Variants in INPP4B observed in about 807,000 individuals in gnomAD.
The protein encoded by INPP4B is inositol polyphosphate 4-phosphatase type II.
Under a neutral mutation model 122.5 loss-of-function variants are expected in INPP4B, and 55 were observed. That is an observed-to-expected ratio of 0.45 (90% CI 0.36 to 0.56). The LOEUF is 0.56. Among genes scored for constraint, INPP4B ranks in the 20% least tolerant of loss-of-function variants. The pLI, the probability that INPP4B is intolerant of heterozygous loss-of-function variation, is 0.00. For missense variants in INPP4B, 1,000 were observed against 1,097.7 expected (o/e 0.91, Z 1.26); for synonymous variants, 403 against 388.7 (o/e 1.04, Z -0.43).
chr4:142,660,432 T>TA (rs1754964085), intron 2 of INPP4B, among the ~76,000 whole-genome samples: 1 of 152,092 alleles, frequency 6.6e-6, no homozygotes, highest in Admixed American at 6.5e-5. Flanking sequence ...GGAACTCCTT[T>TA]AAAAGGCATC....
chr4:142,496,552 C>G (rs1480694542), intron 2 of INPP4B, among the ~76,000 whole-genome samples: 2 of 152,080 alleles, frequency 1.3e-5, no homozygotes, highest in Non-Finnish European at 2.9e-5. Flanking sequence ...ATGAGACTTT[C>G]CATTTGTATG....
chr4:142,148,422 C>T (rs1173482483), intron 17 of INPP4B, among the ~76,000 whole-genome samples: 1 of 152,080 alleles, frequency 6.6e-6, no homozygotes, highest in Admixed American at 6.6e-5. Context: ...CTATGTTGCC[C>T]AGGCTGATCT....
At chr4:142,749,180 T>C (rs1769256815) in intron 1 of INPP4B, among the ~76,000 whole-genome samples, 1 of 147,134 alleles carries the variant, frequency 6.8e-6, no homozygotes, top group Non-Finnish European at 1.5e-5. Flanking sequence ...TATTATACCT[T>C]ACCATATATA....
At chr4:142,319,072 G>A (rs1268371920) in intron 7 of INPP4B, among the ~76,000 whole-genome samples, 2 of 152,188 alleles carry the variant, frequency 1.3e-5, no homozygotes, top group Admixed American at 6.5e-5. Flanking sequence ...GGGGCTGCCT[G>A]AAATGCTAGG....
chr4:142,449,324 G>A (rs1406309383), intron 3 of INPP4B, among the ~76,000 whole-genome samples: 1 of 152,100 alleles, frequency 6.6e-6, no homozygotes, highest in East Asian at 1.9e-4. Context: ...TTAAAATATG[G>A]TCCCTGGACA....
chr4:142,450,976 C>G (rs1361382440), intron 3 of INPP4B, among the ~76,000 whole-genome samples: 2 of 110,662 alleles, frequency 1.8e-5, no homozygotes, highest in Non-Finnish European at 3.6e-5. Flanking sequence ...AAAATTAACT[C>G]CCCCCCCCAA....
intron 7 of INPP4B, among the ~76,000 whole-genome samples, chr4:142,362,101 G>A (rs1785624143): frequency 6.6e-6 from 1 of 151,942 alleles, no homozygotes; most frequent in African/African-American, 2.4e-5. Context: ...CTATGAACTG[G>A]GATGCTGGGA....
chr4:142,814,281 T>A (rs772403804), intron 1 of INPP4B, among the ~76,000 whole-genome samples: 29 of 152,134 alleles, frequency 1.9e-4, no homozygotes, highest in Non-Finnish European at 3.1e-4. Flanking sequence ...ATGGGGAGAA[T>A]GTTTCTTCAT....
chr4:142,239,319 A>G lies in INPP4B; in HGVS notation c.689-1308T>C, dbSNP rs74668749. Among the ~76,000 whole-genome samples, 581 of 152,280 alleles carry G rather than the reference A, an allele frequency of 3.8e-3. 2 individuals carry two copies. The highest frequency in any genetic ancestry group is 5.9e-3 in the Admixed American group (90 of 15,290). The stretch of plus-strand genomic sequence containing the variant: ...TACATGTACATGCGTCCTGCCAAGA[A>G]TTAGAGTGCTTACTTTTCAACAGCA... On this transcript the variant is annotated intron_variant, in intron 11 of 25. Coordinates refer to ENST00000262992, the MANE Select transcript of INPP4B (RefSeq NM_001101669.3).
At position 142,024,206 on chromosome 4, in the gene INPP4B, C is replaced by G. The variant is rs1466444635; in HGVS notation, c.*4576G>C. 1 of 152,068 alleles carries G rather than the reference C, an allele frequency of 6.6e-6. No homozygotes were observed. 9.4% of individuals were successfully genotyped at this position (152,068 alleles called of 1,614,324 possible). A position where few individuals can be genotyped will look rare whatever the true frequency, so the allele number is the denominator to read the frequency against. On this transcript the variant is annotated 3_prime_UTR_variant, in exon 26 of 26. Transcript: ENST00000262992. ...AGATAGTTTTTGCTATAGGTGGCAT[C>G]TCTGTGAACGCAGAGCTCTAAATTA...
At position 142,608,847 on chromosome 4, in the gene INPP4B, A is replaced by T. The variant is rs368188576; in HGVS notation, c.-191+116992T>A. Among the ~76,000 whole-genome samples, 19 of 152,252 alleles carry T rather than the reference A, an allele frequency of 1.2e-4. No homozygotes were observed. In the East Asian group the frequency reaches 3.7e-3, roughly 29 times the overall value. On this transcript the variant is annotated intron_variant, in intron 2 of 25. Transcript: ENST00000262992. ...CTTTCTAGCCAGTGCTGCTATACTA[A>T]CTTCAAACACACACTTTCTGTTCCC...
intron 7 of INPP4B, among the ~76,000 whole-genome samples, chr4:142,364,387 G>A (rs1201754333): frequency 2.0e-5 from 3 of 151,882 alleles, no homozygotes; most frequent in Admixed American, 2.0e-4. Flanking sequence ...ACTTGCAATA[G>A]ACTCTTGGCC....
At chr4:142,299,169 TGGGGG>T (rs71250020) in intron 9 of INPP4B, among the ~76,000 whole-genome samples, 55 of 145,674 alleles carry the variant, frequency 3.8e-4, no homozygotes, top group African/African-American at 1.0e-3. Flanking sequence ...TTTTTTTTTT[TGGGGG>T]GGAGACAGAG....
chr4:142,491,729 A>G (rs1821904474), intron 2 of INPP4B, among the ~76,000 whole-genome samples: 1 of 152,206 alleles, frequency 6.6e-6, no homozygotes, highest in South Asian at 2.1e-4. Context: ...AACAACAGCT[A>G]TATGAAAAAA....
intron 1 of INPP4B, among the ~76,000 whole-genome samples, chr4:142,827,113 AG>A (rs1286876876): frequency 1.4e-4 from 21 of 152,132 alleles, no homozygotes; most frequent in Non-Finnish European, 3.1e-4. Context: ...CTTTATTCTG[AG>A]GGTCAGTCTT....
Position 142,028,769 on chromosome 4 carries a change from C to A in INPP4B, c.*13G>T, listed in dbSNP as rs1737846455. 6.2e-7 allele frequency: 1 copy of A among 1,602,314 alleles called. No individual in the cohort carries two copies. Among genetic ancestry groups the A allele is most frequent in the East Asian group, 2.2e-5 (1 of 44,734 alleles). ...ATGTATTTGTGTTCCTGTTTATTAA[C>A]ATGTTGGTAAACTTAGGTGTCAGCT... On this transcript the variant is annotated 3_prime_UTR_variant, in exon 26 of 26. Transcript: ENST00000262992.
chr4:142,686,030 C>G (rs904271586), intron 2 of INPP4B, among the ~76,000 whole-genome samples: 3 of 152,054 alleles, frequency 2.0e-5, no homozygotes, highest in African/African-American at 7.2e-5. Context: ...ACACCAAAAT[C>G]TCTATAGGCT....
At chr4:142,739,211 G>A (rs988858088) in intron 1 of INPP4B, among the ~76,000 whole-genome samples, 2 of 152,030 alleles carry the variant, frequency 1.3e-5, no homozygotes, top group Non-Finnish European at 2.9e-5. Context: ...GTTGGTAAGT[G>A]CTTATCACTG....
At chr4:142,458,681 C>T (rs546203108) in intron 3 of INPP4B, among the ~76,000 whole-genome samples, 55 of 152,182 alleles carry the variant, frequency 3.6e-4, no homozygotes, top group African/African-American at 1.2e-3. Flanking sequence ...ATTCACTCAT[C>T]TATAAAGGAG....
Sources: allele counts gnomAD v4.1 joint callset (sites outside exome capture counted in the v4.1 genomes callset), GRCh38; gene constraint gnomAD v4.1.1; transcripts MANE v1.5; gene names NCBI Gene and HGNC (gene_info 2026-07-23, HGNC 2026-07-21).